Variants in FRAS1 observed in about 807,000 individuals in gnomAD.
FRAS1 encodes the protein Fraser extracellular matrix complex subunit 1, also known as extracellular matrix organizing protein FRAS1.
Under a neutral mutation model 435.2 loss-of-function variants are expected in FRAS1, and 290 were observed. The observed-to-expected ratio is 0.67, with a 90% CI of 0.61 to 0.73. The LOEUF (loss-of-function observed/expected upper bound fraction) is 0.73. FRAS1 is among the 30% of genes least tolerant of loss of function. The pLI is 0.00. For missense variants in FRAS1, 4,860 were observed against 5,001.5 expected (o/e 0.97, Z 0.85); for synonymous variants, 1,800 against 1,851.0 (o/e 0.97, Z 0.71).
At chr4:78,343,430 C>T (rs1266827647) in intron 20 of FRAS1, among the ~76,000 whole-genome samples, 3 of 149,642 alleles carry the variant, frequency 2.0e-5, no homozygotes, top group African/African-American at 7.4e-5. Flanking sequence ...TCCCTCCCTC[C>T]CTCCCTCCCT....
At chr4:78,522,043 T>C (rs1014848471) in intron 68 of FRAS1, among the ~76,000 whole-genome samples, 3 of 152,276 alleles carry the variant, frequency 2.0e-5, no homozygotes, top group African/African-American at 7.2e-5. Flanking sequence ...GTTCCAGTTA[T>C]GATTCATATG....
intron 2 of FRAS1, among the ~76,000 whole-genome samples, chr4:78,079,232 C>T (rs1426294619): frequency 2.0e-5 from 3 of 151,616 alleles, no homozygotes; most frequent in African/African-American, 7.3e-5. Context: ...GGGGAAAAAC[C>T]CCATTTTTTT....
chr4:78,310,546 A>G (rs944638923), intron 15 of FRAS1, among the ~76,000 whole-genome samples: 1 of 152,228 alleles, frequency 6.6e-6, no homozygotes, highest in Non-Finnish European at 1.5e-5. Flanking sequence ...GAATCAACAG[A>G]TCTACAAGTA....
At chr4:78,479,789 G>A in intron 56 of FRAS1, 71 bp downstream of exon 56, 4 of 1,209,736 alleles carry the variant, frequency 3.3e-6, no homozygotes, top group Non-Finnish European at 4.5e-6. Context: ...TTCTCCTTAG[G>A]TTTCAGAATA....
intron 14 of FRAS1, among the ~76,000 whole-genome samples, chr4:78,300,630 A>G (rs1728342153): frequency 6.6e-6 from 1 of 152,144 alleles, no homozygotes; most frequent in South Asian, 2.1e-4. Flanking sequence ...CATGTCAATC[A>G]GATCTTGTGT....
chr4:78,133,495 G>A (rs912033786), intron 2 of FRAS1, among the ~76,000 whole-genome samples: 1 of 151,742 alleles, frequency 6.6e-6, no homozygotes, highest in Non-Finnish European at 1.5e-5. Context: ...TAATTTAATT[G>A]TGCATCTTAA....
At chr4:78,236,137 G>A (rs1724743903) in intron 2 of FRAS1, among the ~76,000 whole-genome samples, 1 of 152,236 alleles carries the variant, frequency 6.6e-6, no homozygotes, top group East Asian at 1.9e-4. Flanking sequence ...AGAAATCCAG[G>A]GGAGAATGAG....
chr4:78,114,482 T>C (rs1191732637), intron 2 of FRAS1, among the ~76,000 whole-genome samples: 1 of 152,072 alleles, frequency 6.6e-6, no homozygotes, highest in Non-Finnish European at 1.5e-5. Context: ...TTCTTCCATT[T>C]GTTTGTATCC....
chr4:78,412,556 A>G (rs567111188), intron 31 of FRAS1, among the ~76,000 whole-genome samples: 51 of 152,356 alleles, frequency 3.3e-4, no homozygotes, highest in Middle Eastern at 3.4e-3. Flanking sequence ...ATAAGACATT[A>G]TATAGTTCTC....
chr4:78,426,125 C>T (rs902616738), intron 35 of FRAS1, among the ~76,000 whole-genome samples: 1 of 152,144 alleles, frequency 6.6e-6, no homozygotes. Context: ...ATTTCCACAG[C>T]AGGTAGACAG....
rs144288669 is a variant in FRAS1, at chr4:78,465,879, A to T, written c.7030-329A>T. 3.1e-3 allele frequency among the ~76,000 whole-genome samples: 471 copies of T among 152,314 alleles called. 7 individuals carry two copies. The highest frequency in any genetic ancestry group is 0.011 in the African/African-American group (445 of 41,568). On this transcript the variant is annotated intron_variant, in intron 49 of 73. Coordinates refer to ENST00000512123, the MANE Select transcript of FRAS1 (RefSeq NM_025074.7). ...TTCTGTATATAAGAGTTTTGGGTAG[A>T]TGTAGGGGAAGGAAATGAACAGTTT...
At chr4:78,381,128 C>T (rs974320346) in intron 27 of FRAS1, among the ~76,000 whole-genome samples, 6 of 152,132 alleles carry the variant, frequency 3.9e-5, no homozygotes, top group African/African-American at 1.4e-4. Context: ...CCTTTAGCCA[C>T]AATGATTTCT....
In FRAS1 at chr4:78,407,928, G is replaced by T. The variant is rs185847241; in HGVS notation, c.4308+87G>T. 2.3e-4 allele frequency: 274 copies of T among 1,187,964 alleles called. No homozygotes were observed. The African/African-American group carries it at 3.9e-3, about 17-fold the overall frequency. 73.6% of individuals were successfully genotyped at this position (1,187,964 alleles called of 1,614,324 possible). On this transcript the variant is annotated intron_variant, in intron 31 of 73. Coordinates refer to ENST00000512123, the MANE Select transcript of FRAS1 (RefSeq NM_025074.7). Reference sequence around the variant, plus strand: ...TTATAATCAACTTGAGTAATTTTCTGCAGTTGACAGGAAATCACATTTGGG... The same window carrying T: ...TTATAATCAACTTGAGTAATTTTCTTCAGTTGACAGGAAATCACATTTGGG...
chr4:78,345,535 T>C (rs908272120), intron 20 of FRAS1, among the ~76,000 whole-genome samples: 4 of 152,222 alleles, frequency 2.6e-5, no homozygotes, highest in African/African-American at 9.6e-5. Context: ...TCTGTATTTT[T>C]TTTCAATTTG....
rs1052116825 is a variant in FRAS1 at position 78,286,135 on chromosome 4, C to G, written c.1400-270C>G. ...GGCAAGTTGTTTAATCTCCCTGAGTCTGTTCCTCATCTGTAAAGTTGGGAT... is the reference window on the plus strand; with the variant it reads ...GGCAAGTTGTTTAATCTCCCTGAGTGTGTTCCTCATCTGTAAAGTTGGGAT... On this transcript the variant is annotated intron_variant, in intron 13 of 73. Transcript: ENST00000512123. 41 of 548,074 alleles carry G rather than the reference C, an allele frequency of 7.5e-5. 1 individual carries two copies. Among genetic ancestry groups the G allele is most frequent in the Middle Eastern group, 3.6e-4 (1 of 2,814 alleles). The allele number at this position is 548,074 out of a possible 1,614,324, so 34.0% of individuals were successfully genotyped here.
intron 32 of FRAS1, among the ~76,000 whole-genome samples, chr4:78,414,305 T>C (rs995586900): frequency 3.3e-5 from 5 of 152,166 alleles, no homozygotes; most frequent in Non-Finnish European, 7.3e-5. Flanking sequence ...TATTTTGAGT[T>C]TGGAGGAAAT....
chr4:78,058,425 G>A (rs550495637), intron 1 of FRAS1, among the ~76,000 whole-genome samples: 23 of 152,220 alleles, frequency 1.5e-4, no homozygotes, highest in African/African-American at 4.8e-4. Context: ...GCAACTGCAT[G>A]GAGCACAGGT....
At chr4:78,225,040 G>A (rs890832232) in intron 2 of FRAS1, among the ~76,000 whole-genome samples, 3 of 152,166 alleles carry the variant, frequency 2.0e-5, no homozygotes, top group African/African-American at 4.8e-5. Context: ...ATGCAGGGGT[G>A]TACATTGATG....
At chr4:78,160,833 A>C (rs570424546) in intron 2 of FRAS1, among the ~76,000 whole-genome samples, 2 of 152,182 alleles carry the variant, frequency 1.3e-5, no homozygotes, top group Non-Finnish European at 2.9e-5. Context: ...GACATAAGCC[A>C]TTTAAAGATC....
Sources: gnomAD v4.1 joint callset for allele counts (sites outside exome capture counted in the v4.1 genomes callset) on GRCh38, gnomAD v4.1.1 for gene constraint, MANE v1.5 for transcripts, NCBI Gene and HGNC (gene_info 2026-07-23, HGNC 2026-07-21) for gene names.